The following MLC1 variants were observed in gnomAD, a reference collection of about 807,000 sequenced individuals.
MLC1 encodes the protein modulator of VRAC current 1.
Under a neutral mutation model 44.7 loss-of-function variants are expected in MLC1, and 32 were observed. The ratio of observed to expected loss-of-function variants is 0.72; its 90% confidence interval spans 0.54 to 0.96. MLC1 has a LOEUF of 0.96. MLC1 is among the 40% of genes least tolerant of loss of function. The probability of loss-of-function intolerance (pLI) is 0.00; values close to 1 mark genes in which losing one functional copy is unlikely to be tolerated. For synonymous variants in MLC1, 190 were observed against 213.0 expected, an observed-to-expected ratio of 0.89 and a Z score of 0.94; for missense variants, 459 against 492.2, an observed-to-expected ratio of 0.93 and a Z score of 0.64.
chr22:50,063,572 C>A (rs1345406412), intron 11 of MLC1, among the ~76,000 whole-genome samples: 2 of 151,980 alleles, frequency 1.3e-5, no homozygotes, highest in Non-Finnish European at 2.9e-5. Flanking sequence ...TCTTCGAGGG[C>A]CACGTCGTGT....
chr22:50,072,793 T>C (rs1446573614), intron 8 of MLC1: 5 of 152,440 alleles, frequency 3.3e-5, no homozygotes, highest in Admixed American at 2.6e-4. Flanking sequence ...TGGGCACCCA[T>C]GTGAGTTCTC....
chr22:50,068,549 C>G lies in MLC1; in HGVS notation c.778G>C (p.Val260Leu), dbSNP rs143061714. ...GTGAGGCTGCTTATGGCAATCAGGA[C>G]CTCCACCTGGAAAAAAAGCGCGGGT... ...AECPSKCLVE[V>L]LIAISSLTSP... The change falls in exon 10 of 12, where the codon GTC becomes CTC. Residue 260 changes from valine (V) to leucine (L), a missense_variant. Transcript: ENST00000311597. 58 of 1,613,262 alleles carry G rather than the reference C, an allele frequency of 3.6e-5. No individual in the cohort carries two copies. The African/African-American group carries it at 6.0e-4, about 17-fold the overall frequency.
intron 11 of MLC1, 134 bp downstream of exon 11, chr22:50,063,899 TC>T: frequency 1.4e-6 from 1 of 708,238 alleles, no homozygotes. Context: ...GCCACTCACC[TC>T]CCCGGCTGGG....
At chr22:50,082,822 G>A (rs1444490518) in intron 3 of MLC1, among the ~76,000 whole-genome samples, 5 of 151,958 alleles carry the variant, frequency 3.3e-5, no homozygotes, top group African/African-American at 1.2e-4. Flanking sequence ...CCACCACCGC[G>A]CCCAGCTAAT....
chr22:50,063,192 C>T (rs1415832477), intron 11 of MLC1, among the ~76,000 whole-genome samples: 2 of 152,056 alleles, frequency 1.3e-5, no homozygotes, highest in African/African-American at 2.4e-5. Context: ...AGACATTTTA[C>T]GGCTGGGCGC....
intron 11 of MLC1, among the ~76,000 whole-genome samples, chr22:50,062,111 C>A (rs1288418686): frequency 1.3e-5 from 2 of 151,516 alleles, no homozygotes; most frequent in Non-Finnish European, 2.9e-5. Flanking sequence ...CCACCCTGAG[C>A]CCCAGTTGTC....
At chr22:50,065,463 A>C (rs956599787) in intron 10 of MLC1, among the ~76,000 whole-genome samples, 1 of 152,336 alleles carries the variant, frequency 6.6e-6, no homozygotes, top group East Asian at 1.9e-4. Flanking sequence ...AACAAGCAGA[A>C]CAAGAAATAG....
At position 50,083,354 on chromosome 22, in the gene MLC1, C is replaced by T. The variant is rs1053891213; in HGVS notation, c.178-181G>A. On this transcript the variant is annotated intron_variant, in intron 2 of 11. Transcript: ENST00000311597. The surrounding 1 kb of genome is among the most constrained non-coding windows in gnomAD (Gnocchi z 4.6). Reference sequence around the variant, plus strand: ...TCCTCCTGTAGGACAGACGCAGCCCCGCCGCAGCCCAGGACATGGACCAGC... The same window carrying T: ...TCCTCCTGTAGGACAGACGCAGCCCTGCCGCAGCCCAGGACATGGACCAGC... 2.6e-5 allele frequency among the ~76,000 whole-genome samples: 4 copies of T among 152,096 alleles called. No individual in the cohort carries two copies. Among genetic ancestry groups the T allele is most frequent in the Admixed American group, 1.3e-4 (2 of 15,274 alleles).
At position 50,083,066 on chromosome 22, in the gene MLC1, G is replaced by T. The variant is rs756282491; in HGVS notation, c.267+18C>A. The stretch of plus-strand genomic sequence containing the variant: ...GGCGAGCTTGGGCACTGGCAGAGGC[G>T]TGGAGGAAGCTGCTTACAGAGCCTG... On this transcript the variant is annotated intron_variant, in intron 3 of 11. Transcript: ENST00000311597. This position sits in a 1 kb window ranked among gnomAD's most constrained non-coding sequence, Gnocchi z 4.6. The T allele has an allele frequency of 1.2e-6, 2 of 1,612,462 alleles. No homozygotes were observed. The highest frequency in any genetic ancestry group is 1.7e-6 in the Non-Finnish European group (2 of 1,178,648).
In MLC1 at chr22:50,064,086, T is replaced by TGCA. The variant is rs2061651100; in HGVS notation, c.1004_1006dup (p.Leu335dup). 1 of 1,608,444 alleles carries TGCA rather than the reference T, an allele frequency of 6.2e-7. No homozygotes were observed. Among genetic ancestry groups the TGCA allele is most frequent in the Admixed American group, 1.7e-5 (1 of 59,762 alleles). On this transcript the variant is annotated inframe_insertion, in exon 11 of 12. Coordinates refer to ENST00000311597, the MANE Select transcript of MLC1 (RefSeq NM_015166.4). ...GTTCTGGGTGTCCCAGGATGCACCC[T>TGCA]GCAGCCTTGCACTGACCTTGAAGCG...
chr22:50,082,529 C>G (rs923817184), intron 3 of MLC1, among the ~76,000 whole-genome samples: 2 of 152,214 alleles, frequency 1.3e-5, no homozygotes, highest in Admixed American at 1.3e-4. Context: ...AGGACGCAGC[C>G]GCAGGCTCAG....
intron 7 of MLC1, among the ~76,000 whole-genome samples, chr22:50,076,298 T>C (rs2061979170): frequency 1.3e-5 from 2 of 152,108 alleles, no homozygotes; most frequent in Admixed American, 1.3e-4. Context: ...CTCACACCTG[T>C]AATCCCAGCA....
intron 10 of MLC1, 82 bp downstream of exon 10, chr22:50,068,351 G>C: frequency 6.4e-7 from 1 of 1,572,876 alleles, no homozygotes; most frequent in South Asian, 1.1e-5. Context: ...CGCCCCCAGA[G>C]TCCCAGGCAA....
rs150355816 is a variant in MLC1, at chr22:50,075,947, G to A, written c.597+894C>T. Among the ~76,000 whole-genome samples, 13 of 152,160 alleles carry A rather than the reference G, an allele frequency of 8.5e-5. No individual in the cohort carries two copies. The East Asian group carries it at 1.2e-3, about 14-fold the overall frequency. The stretch of plus-strand genomic sequence containing the variant: ...CCGCATGGTCTGTTTATCAAGGAGC[G>A]TATTAGAATATGAAGGGCAACCCCC... On this transcript the variant is annotated intron_variant, in intron 7 of 11. Transcript: ENST00000311597.
rs145484765 is a variant in MLC1 at position 50,083,121 on chromosome 22, G to A, written c.230C>T (p.Pro77Leu). ...ACAGCGCAAGTAATCCATCTCAGCC[G>A]GGAACACGTTCCCCAGGTACAGCGA... is the stretch of plus-strand genomic sequence containing the variant. ...GFSLYLGNVFPAEMDYLRCAA... is the reference protein window; with the variant it reads ...GFSLYLGNVFLAEMDYLRCAA... Residue 77 changes from proline (P) to leucine (L), a missense_variant, in exon 3 of 12, where the codon CCG becomes CTG. Transcript: ENST00000311597. The surrounding 1 kb of genome is among the most constrained non-coding windows in gnomAD (Gnocchi z 4.6). 2.2e-4 allele frequency: 355 copies of A among 1,613,944 alleles called. No individual in the cohort carries two copies. The highest frequency in any genetic ancestry group is 2.8e-4 in the Non-Finnish European group (332 of 1,180,024).
chr22:50,081,796 C>T (rs1195622294), intron 3 of MLC1, among the ~76,000 whole-genome samples: 1 of 152,158 alleles, frequency 6.6e-6, no homozygotes, highest in African/African-American at 2.4e-5. Flanking sequence ...GGGGCAGGGC[C>T]GAGTGGGGCC....
At chr22:50,076,028 C>A (rs2061972385) in intron 7 of MLC1, among the ~76,000 whole-genome samples, 2 of 152,040 alleles carry the variant, frequency 1.3e-5, no homozygotes, top group Non-Finnish European at 2.9e-5. Flanking sequence ...AAGGACGGAG[C>A]CTCTGCCAAT....
intron 10 of MLC1, among the ~76,000 whole-genome samples, chr22:50,068,161 A>G (rs2061758339): frequency 6.6e-6 from 1 of 152,218 alleles, no homozygotes; most frequent in African/African-American, 2.4e-5. Context: ...CCCAGGACAG[A>G]TTCTAAAATG....
chr22:50,084,922 G>A lies in MLC1; in HGVS notation c.-20C>T. On this transcript the variant is annotated 5_prime_UTR_variant, in exon 2 of 12. Coordinates refer to ENST00000311597, the MANE Select transcript of MLC1 (RefSeq NM_015166.4). Reference sequence around the variant, plus strand: ...GGTCATGGCACTTGGGGACACCACAGCTGTGCTGAATGTACAGCCACGTGT... The same window carrying A: ...GGTCATGGCACTTGGGGACACCACAACTGTGCTGAATGTACAGCCACGTGT... 6.2e-7 allele frequency: 1 copy of A among 1,609,140 alleles called. No individual in the cohort carries two copies.
Sources: allele counts gnomAD v4.1 joint callset (sites outside exome capture counted in the v4.1 genomes callset), GRCh38; gene constraint gnomAD v4.1.1; non-coding constraint Gnocchi (gnomAD v3.1); transcripts MANE v1.5; gene names NCBI Gene and HGNC (gene_info 2026-07-23, HGNC 2026-07-21).